DOK4: variants seen among roughly 807,000 people sequenced by gnomAD.
The protein encoded by DOK4 is docking protein 4.
A neutral mutation model predicts 40.1 loss-of-function variants in DOK4; 26 were observed. That is an observed-to-expected ratio of 0.65 (90% confidence interval 0.48 to 0.90). The LOEUF (loss-of-function observed/expected upper bound fraction) is 0.90, where lower values mean the gene tolerates loss of function less well. Ranked by LOEUF, DOK4 falls within the 40% of genes least tolerant of loss-of-function variation. DOK4 has a pLI of 0.00. For missense variants in DOK4, 392 were observed against 437.2 expected (o/e 0.90, Z 0.92); for synonymous variants, 179 against 177.0 (o/e 1.01, Z -0.09).
In DOK4 at chr16:57,479,584, C is replaced by T; in HGVS notation, c.-77G>A. Reference sequence around the variant, plus strand: ...TGCCCAGGTGCCTGGGTCTCCGGCTCCTCCAATCACCTGTTCCAGACACTC... The same window carrying T: ...TGCCCAGGTGCCTGGGTCTCCGGCTTCTCCAATCACCTGTTCCAGACACTC... On this transcript the variant is annotated 5_prime_UTR_variant, in exon 2 of 9. Transcript: ENST00000340099. The surrounding 1 kb of genome is among the most constrained non-coding windows in gnomAD (Gnocchi z 5.8). The T allele has an allele frequency of 6.7e-7, 1 of 1,493,176 alleles. No individual in the cohort carries two copies. The highest frequency in any genetic ancestry group is 9.3e-7 in the Non-Finnish European group (1 of 1,079,616). 92.5% of individuals were successfully genotyped at this position (1,493,176 alleles called of 1,614,324 possible).
chr16:57,475,425 C>T, intron 4 of DOK4, 81 bp downstream of exon 4: 2 of 1,431,788 alleles, frequency 1.4e-6, no homozygotes, highest in Non-Finnish European at 1.9e-6. Context: ...CAGGGTTAGC[C>T]CTGCTCTGCC....
chr16:57,474,148 G>T, intron 6 of DOK4, 109 bp from the exon 7 acceptor site: 1 of 1,480,498 alleles, frequency 6.8e-7, no homozygotes, highest in African/African-American at 1.4e-5. Flanking sequence ...CAGGCCGGGA[G>T]GACAGGTAGG....
At chr16:57,473,331 G>A (rs748764747) in exon 9 of DOK4, 52 of 1,578,850 alleles carry the variant, frequency 3.3e-5, no homozygotes, top group East Asian at 1.3e-4. Context: ...AGCCAGCCCC[G>A]CAGCAGGCAG....
exon 9 of DOK4, chr16:57,473,144 AAAATCATTAACAGTATAT>A (rs1368857008): frequency 1.6e-5 from 9 of 572,958 alleles, no homozygotes; most frequent in Non-Finnish European, 2.8e-5. Context: ...CATATATATT[AAAATCATTAACAGTATAT>A]AGTCCCACGG....
chr16:57,482,209 T>C (rs1373045439), intron 1 of DOK4, among the ~76,000 whole-genome samples: 1 of 152,130 alleles, frequency 6.6e-6, no homozygotes, highest in Non-Finnish European at 1.5e-5. Context: ...TCACCCAGGC[T>C]GGAGTGCAGG....
chr16:57,474,902 T>C (rs2031071784), exon 6 of DOK4: 5 of 1,614,104 alleles, frequency 3.1e-6, no homozygotes, highest in Non-Finnish European at 4.2e-6. Flanking sequence ...CAGAGGTAGA[T>C]GTTCTCGTGG....
At chr16:57,474,585 A>G (rs1375945821) in intron 6 of DOK4, 2 of 651,822 alleles carry the variant, frequency 3.1e-6, no homozygotes, top group African/African-American at 3.7e-5. Context: ...TTTGGTAAAT[A>G]GCTTCACTTG....
exon 9 of DOK4, chr16:57,473,173 T>C (rs1247524502): frequency 3.0e-6 from 2 of 663,858 alleles, no homozygotes; most frequent in South Asian, 4.0e-5. Context: ...AGTCCCACGG[T>C]AGCTCCAACC....
exon 5 of DOK4, chr16:57,475,123 G>C: frequency 6.2e-7 from 1 of 1,613,744 alleles, no homozygotes. Context: ...CTGCACCCCT[G>C]GGGCCAGGAG....
At chr16:57,476,079 G>C in intron 2 of DOK4, 122 bp from the exon 3 acceptor site, 1 of 791,456 alleles carries the variant, frequency 1.3e-6, no homozygotes, top group South Asian at 1.6e-5. Context: ...TGGAGCCCCA[G>C]CCTGGGGACA....
chr16:57,474,979 C>T (rs202096723), exon 6 of DOK4: 97 of 1,606,514 alleles, frequency 6.0e-5, no homozygotes, highest in East Asian at 3.4e-4. Flanking sequence ...GACATTGAAG[C>T]GATCTGGAGT....
exon 9 of DOK4, chr16:57,473,408 T>A (rs2030968522): frequency 2.5e-6 from 4 of 1,614,014 alleles, no homozygotes; most frequent in Non-Finnish European, 3.4e-6. Flanking sequence ...CTCACTGCTG[T>A]CCCCCTGGCT....
intron 2 of DOK4, 130 bp from the exon 3 acceptor site, chr16:57,476,087 A>T: frequency 1.3e-6 from 1 of 742,580 alleles, no homozygotes; most frequent in Non-Finnish European, 2.2e-6. Flanking sequence ...CAGCCTGGGG[A>T]CACCGGGGGT....
intron 1 of DOK4, among the ~76,000 whole-genome samples, chr16:57,482,360 TTTG>T (rs2031438169): frequency 7.9e-6 from 1 of 126,798 alleles, no homozygotes; most frequent in Admixed American, 8.6e-5. Context: ...AGATGGGGCT[TTTG>T]TTTTTTTTTT....
chr16:57,475,202 A>T (rs2031093965), exon 5 of DOK4: 2 of 1,612,834 alleles, frequency 1.2e-6, no homozygotes, highest in Non-Finnish European at 1.7e-6. Flanking sequence ...GTCTTGTACC[A>T]CTCCTCTGCC....
Position 57,473,708 on chromosome 16 carries a change from G to T in DOK4, c.767C>A (p.Ser256Ter). The T allele has an allele frequency of 6.2e-7, 1 of 1,613,774 alleles. No individual in the cohort carries two copies. The highest frequency in any genetic ancestry group is 8.5e-7 in the Non-Finnish European group (1 of 1,179,774). ...CATGGTCGTGGGTGTGCAGGGATAC[G>T]AGTAATGTTCCGTGCCCTTGTTCAG... Residue 256 changes from serine to a stop codon, truncating the protein, a stop_gained, in exon 8 of 9, where the codon TCG becomes TAG. Coordinates refer to ENST00000340099, the Ensembl canonical transcript of DOK4. LOFTEE classifies it high-confidence loss of function.
At chr16:57,478,879 G>A (rs1054929932) in intron 2 of DOK4, among the ~76,000 whole-genome samples, 2 of 152,136 alleles carry the variant, frequency 1.3e-5, no homozygotes, top group Admixed American at 6.5e-5. Flanking sequence ...ACCCCGTCTC[G>A]CCCAGCCAAC....
chr16:57,475,620 C>T, exon 4 of DOK4: 1 of 1,595,278 alleles, frequency 6.3e-7, no homozygotes, highest in Non-Finnish European at 8.5e-7. Context: ...ATCTCAGTCA[C>T]CTGGGACAGC....
intron 2 of DOK4, among the ~76,000 whole-genome samples, chr16:57,476,587 A>C (rs11866313): frequency 0.052 from 7,959 of 152,248 alleles, 275 homozygotes; most frequent in Middle Eastern, 0.11. Context: ...TTACAAAGGT[A>C]ACCCCCACTC....
Sources: gnomAD v4.1 joint callset for allele counts (sites outside exome capture counted in the v4.1 genomes callset) on GRCh38, gnomAD v4.1.1 for gene constraint, Gnocchi (gnomAD v3.1) non-coding constraint, MANE v1.5 for transcripts, NCBI Gene and HGNC (gene_info 2026-07-23, HGNC 2026-07-21) for gene names.